RGS7: variants seen among roughly 807,000 people sequenced by gnomAD.
The protein encoded by RGS7 is regulator of G protein signaling 7.
RGS7 carries 27 observed loss-of-function variants against 81.1 expected under a neutral mutation model. The observed-to-expected ratio is 0.33, with a 90% confidence interval of 0.25 to 0.46. The LOEUF is 0.46. Ranked by LOEUF, RGS7 falls within the 20% of genes least tolerant of loss-of-function variation. The pLI, the probability that RGS7 is intolerant of heterozygous loss-of-function variation, is 1.00. For missense variants in RGS7, 396 were observed against 607.4 expected (o/e 0.65, Z 3.66); for synonymous variants, 208 against 207.7 (o/e 1.00, Z -0.01).
At chr1:241,334,284 C>T (rs2082124335) in intron 2 of RGS7, among the ~76,000 whole-genome samples, 1 of 152,006 alleles carries the variant, frequency 6.6e-6, no homozygotes, top group African/African-American at 2.4e-5. Flanking sequence ...TCAAGATTTC[C>T]ACTAATCACA....
In RGS7 at chr1:241,343,544, G is replaced by A. The variant is rs113439423; in HGVS notation, c.78+12155C>T. Among the ~76,000 whole-genome samples the A allele has an allele frequency of 2.9e-3, 441 of 152,256 alleles. 3 individuals are homozygous for A. Among genetic ancestry groups the A allele is most frequent in the African/African-American group, 0.01 (417 of 41,544 alleles). ...TACAACATGGATGAACCTTGAGGAC[G>A]TTATGCTATGGAAATAAGCCAGTCA... is the stretch of plus-strand genomic sequence containing the variant. On this transcript the variant is annotated intron_variant, in intron 2 of 18. Transcript: ENST00000440928.
chr1:241,261,179 A>T (rs990615033), intron 2 of RGS7, among the ~76,000 whole-genome samples: 3 of 152,136 alleles, frequency 2.0e-5, no homozygotes, highest in African/African-American at 7.2e-5. Flanking sequence ...CTGTTCTCAC[A>T]GATTAGGACA....
At chr1:241,344,036 C>T (rs1230461988) in intron 2 of RGS7, among the ~76,000 whole-genome samples, 1 of 151,970 alleles carries the variant, frequency 6.6e-6, no homozygotes, top group Non-Finnish European at 1.5e-5. Context: ...TTTAAAAGTG[C>T]CTTATGTACA....
intron 3 of RGS7, among the ~76,000 whole-genome samples, chr1:241,031,095 T>A (rs1558622365): frequency 6.6e-6 from 1 of 152,172 alleles, no homozygotes; most frequent in Non-Finnish European, 1.5e-5. Flanking sequence ...ACTCATTAAG[T>A]AATTTCTCAT....
At chr1:240,855,092 A>G (rs1660825111) in intron 9 of RGS7, among the ~76,000 whole-genome samples, 1 of 152,174 alleles carries the variant, frequency 6.6e-6, no homozygotes, top group Admixed American at 6.5e-5. Flanking sequence ...CAGAATAGTT[A>G]CAATCAATAT....
intron 3 of RGS7, among the ~76,000 whole-genome samples, chr1:241,089,339 C>CA (rs1283062814): frequency 1.3e-5 from 2 of 151,132 alleles, no homozygotes; most frequent in African/African-American, 2.4e-5. Context: ...AGCACACCAC[C>CA]AAAAAACATA....
At chr1:241,010,815 C>T (rs574867783) in intron 3 of RGS7, among the ~76,000 whole-genome samples, 4 of 152,220 alleles carry the variant, frequency 2.6e-5, no homozygotes, top group African/African-American at 9.6e-5. Flanking sequence ...GGAGAATATG[C>T]AGATGTCTCT....
At chr1:241,317,916 A>G (rs1438421947) in intron 2 of RGS7, among the ~76,000 whole-genome samples, 1 of 152,114 alleles carries the variant, frequency 6.6e-6, no homozygotes, top group Non-Finnish European at 1.5e-5. Context: ...ACGCCTTCCC[A>G]GTTCTTCCGA....
intron 2 of RGS7, among the ~76,000 whole-genome samples, chr1:241,209,290 A>G (rs2074107540): frequency 6.6e-6 from 1 of 152,170 alleles, no homozygotes; most frequent in Non-Finnish European, 1.5e-5. Context: ...TGTATTGAAT[A>G]AAGGGATCTG....
intron 2 of RGS7, among the ~76,000 whole-genome samples, chr1:241,338,720 AC>A (rs2082374884): frequency 6.7e-6 from 1 of 149,594 alleles, no homozygotes; most frequent in African/African-American, 2.4e-5. Flanking sequence ...TATATTATAT[AC>A]AAATATATGT....
At chr1:241,332,578 G>A (rs1356848106) in intron 2 of RGS7, among the ~76,000 whole-genome samples, 2 of 152,280 alleles carry the variant, frequency 1.3e-5, no homozygotes, top group Admixed American at 6.5e-5. Context: ...GACAACTTCC[G>A]CGGCCCCTTC....
chr1:241,211,923 A>G (rs2147929466), intron 2 of RGS7, among the ~76,000 whole-genome samples: 2 of 152,326 alleles, frequency 1.3e-5, no homozygotes, highest in African/African-American at 4.8e-5. Flanking sequence ...TACGGTGACA[A>G]GTTATACAAG....
chr1:241,243,229 C>A (rs1231567756), intron 2 of RGS7, among the ~76,000 whole-genome samples: 2 of 152,184 alleles, frequency 1.3e-5, no homozygotes, highest in African/African-American at 2.4e-5. Context: ...AATCTTGACA[C>A]CTCCTCTCCG....
At chr1:240,958,042 A>C (rs1038690708) in intron 4 of RGS7, among the ~76,000 whole-genome samples, 1 of 152,170 alleles carries the variant, frequency 6.6e-6, no homozygotes, top group Non-Finnish European at 1.5e-5. Flanking sequence ...AAGGCACAAA[A>C]AGGCCCCTAG....
intron 6 of RGS7, among the ~76,000 whole-genome samples, chr1:240,918,667 C>T (rs1196503303): frequency 7.2e-5 from 11 of 151,860 alleles, no homozygotes; most frequent in Admixed American, 6.6e-4. Context: ...TCTAAATTCC[C>T]ATCTTAGAAA....
intron 3 of RGS7, among the ~76,000 whole-genome samples, chr1:241,068,238 G>GTGTGTGTGTGTGTGTGTGTGTGTA: frequency 2.8e-5 from 1 of 35,638 alleles, no homozygotes; most frequent in Non-Finnish European, 5.4e-5. Context: ...GTGTGTGTGT[G>GTGTGTGTGTGTGTGTGTGTGTGTA]TATATATATA....
chr1:240,960,789 G>A (rs1401982855), intron 4 of RGS7, among the ~76,000 whole-genome samples: 2 of 152,082 alleles, frequency 1.3e-5, no homozygotes, highest in Admixed American at 1.3e-4. Context: ...AATTCTGAAA[G>A]TGGAAACTTA....
chr1:241,245,748 G>A (rs987449747), intron 2 of RGS7, among the ~76,000 whole-genome samples: 2 of 150,624 alleles, frequency 1.3e-5, no homozygotes, highest in South Asian at 2.1e-4. Context: ...CAGAGGTTGC[G>A]GTAAGCTGAG....
intron 9 of RGS7, among the ~76,000 whole-genome samples, chr1:240,834,792 T>G (rs1694431076): frequency 6.6e-6 from 1 of 152,148 alleles, no homozygotes; most frequent in Admixed American, 6.5e-5. Context: ...ATTACAGGCT[T>G]GAGCCACCGC....
Sources: allele counts gnomAD v4.1 joint callset (sites outside exome capture counted in the v4.1 genomes callset), GRCh38; gene constraint gnomAD v4.1.1; transcripts MANE v1.5; gene names NCBI Gene and HGNC (gene_info 2026-07-23, HGNC 2026-07-21).